FRAS1: variants seen among roughly 807,000 people sequenced by gnomAD.
FRAS1 encodes the protein Fraser extracellular matrix complex subunit 1.
FRAS1 carries 290 observed loss-of-function variants against 435.2 expected under a neutral mutation model. The ratio of observed to expected loss-of-function variants is 0.67; its 90% CI spans 0.61 to 0.73. The LOEUF is 0.73. FRAS1 is among the 30% of genes least tolerant of loss of function. The pLI, the probability that FRAS1 is intolerant of heterozygous loss-of-function variation, is 0.00. For synonymous variants in FRAS1, 1,800 were observed against 1,851.0 expected (o/e 0.97, Z 0.71); for missense variants, 4,860 against 5,001.5 (o/e 0.97, Z 0.85).
At chr4:78,276,932 G>A (rs1727073316) in intron 9 of FRAS1, among the ~76,000 whole-genome samples, 1 of 152,168 alleles carries the variant, frequency 6.6e-6, no homozygotes, top group Non-Finnish European at 1.5e-5. Flanking sequence ...ACAGAGGTAG[G>A]CAGGCCTCCT....
At chr4:78,124,398 C>T (rs1355013943) in intron 2 of FRAS1, among the ~76,000 whole-genome samples, 2 of 152,196 alleles carry the variant, frequency 1.3e-5, no homozygotes, top group Non-Finnish European at 2.9e-5. Context: ...ACAATTTTTG[C>T]ATCGATGTTC....
chr4:78,497,427 T>A (rs1720539080), intron 60 of FRAS1, among the ~76,000 whole-genome samples: 1 of 152,052 alleles, frequency 6.6e-6, no homozygotes, highest in South Asian at 2.1e-4. Context: ...AGTCAGGTGT[T>A]AGCCAAGAAT....
At position 78,439,006 on chromosome 4, in the gene FRAS1, T is replaced by C. The variant is rs764236643; in HGVS notation, c.5471T>C (p.Ile1824Thr). 6.2e-7 allele frequency: 1 copy of C among 1,613,480 alleles called. No homozygotes were observed. Reference sequence around the variant, plus strand: ...CATCTGGATAATCAGATATTTACCATCATGATCACTCCTGCTGAAAATCCA... The same window carrying C: ...CATCTGGATAATCAGATATTTACCACCATGATCACTCCTGCTGAAAATCCA... ...HNHLDNQIFT[I>T]MITPAENPPP... The change falls in exon 40 of 74, where the codon ATC (isoleucine) becomes ACC (threonine). Residue 1824 changes from isoleucine to threonine, a missense_variant. Transcript: ENST00000512123.
At position 78,537,123 on chromosome 4, in the gene FRAS1, G is replaced by A; in HGVS notation, c.11221G>A (p.Gly3741Arg). Residue 3741 changes from glycine to arginine, a missense_variant, in exon 72 of 74, where the codon GGG becomes AGG. Physicochemically the swap from Gly to Arg is moderately radical, Grantham distance 125. Coordinates refer to ENST00000512123, the MANE Select transcript of FRAS1 (RefSeq NM_025074.7). ...TTATGTGCCTTTCTTTGATCCCACG[G>A]GGACAATCTACAATGAAGGGCCCCA... ...DGYVPFFDPT[G>R]TIYNEGPQYG... 1 of 1,613,946 alleles carries A rather than the reference G, an allele frequency of 6.2e-7. No individual in the cohort carries two copies. The highest frequency in any genetic ancestry group is 1.1e-5 in the South Asian group (1 of 91,080).
Position 78,445,613 on chromosome 4 carries a change from T to G in FRAS1, c.5757T>G (p.Ser1919Arg). Residue 1919 changes from serine (S) to arginine (R), a missense_variant, in exon 42 of 74, where the codon AGT becomes AGG. Ser to Arg is a moderately radical substitution (Grantham distance 110). Coordinates refer to ENST00000512123, the MANE Select transcript of FRAS1 (RefSeq NM_025074.7). The stretch of plus-strand genomic sequence containing the variant: ...AAAACTACATTTACTACTTTCAGAG[T>G]GTTCATGAAAGCATTGAGCCAACCC... The part of the protein sequence containing the change: ...VLENYIYYFQ[S>R]VHESIEPTHD... 1 of 1,613,684 alleles carries G rather than the reference T, an allele frequency of 6.2e-7. No homozygotes were observed. The highest frequency in any genetic ancestry group is 2.2e-5 in the East Asian group (1 of 44,880).
intron 20 of FRAS1, among the ~76,000 whole-genome samples, chr4:78,342,330 C>G (rs560639264): frequency 9.8e-5 from 15 of 152,290 alleles, no homozygotes; most frequent in African/African-American, 3.6e-4. Context: ...GGGAGCAGGT[C>G]CAGTAACCTC....
intron 26 of FRAS1, among the ~76,000 whole-genome samples, chr4:78,378,928 G>A (rs1731893098): frequency 6.6e-6 from 1 of 151,970 alleles, no homozygotes; most frequent in Admixed American, 6.6e-5. Context: ...TCTTATCTAA[G>A]AAAGCATTGT....
chr4:78,327,243 C>T (rs182622862), intron 18 of FRAS1, among the ~76,000 whole-genome samples: 8 of 152,000 alleles, frequency 5.3e-5, no homozygotes, highest in East Asian at 1.9e-4. Flanking sequence ...CAAAAAGTAA[C>T]GAGAAGAAGG....
At chr4:78,094,371 C>T (rs1741689719) in intron 2 of FRAS1, among the ~76,000 whole-genome samples, 1 of 151,904 alleles carries the variant, frequency 6.6e-6, no homozygotes, top group Non-Finnish European at 1.5e-5. Flanking sequence ...AAGTCACAGG[C>T]AACATACTTT....
chr4:78,276,698 G>T (rs916723165), intron 9 of FRAS1, among the ~76,000 whole-genome samples: 1 of 152,178 alleles, frequency 6.6e-6, no homozygotes, highest in South Asian at 2.1e-4. Flanking sequence ...AGGGGCACCC[G>T]GCCGTGTGAG....
At position 78,541,808 on chromosome 4, in the gene FRAS1, C is replaced by T. The variant is rs534010909; in HGVS notation, c.*684C>T. 2.2e-4 allele frequency: 33 copies of T among 152,222 alleles called. No individual in the cohort carries two copies. Among genetic ancestry groups the T allele is most frequent in the African/African-American group, 7.2e-4 (30 of 41,524 alleles). 9.4% of individuals were successfully genotyped at this position (152,222 alleles called of 1,614,324 possible). On this transcript the variant is annotated 3_prime_UTR_variant, in exon 74 of 74. Transcript: ENST00000512123. The stretch of plus-strand genomic sequence containing the variant: ...TCCTACAAAGGGGGAGACTGAAACC[C>T]GAGTTAAGGAGGGGCCTGGCAGGCG...
rs71661163 is a variant in FRAS1 at position 78,388,331 on chromosome 4, CA to C, written c.3975+645del. The stretch of plus-strand genomic sequence containing the variant: ...CAGAGAGAGACTCCGTCTCAAAAAC[CA>C]AAAAAAAAAAAAAACAAAAAAAACC... On this transcript the variant is annotated intron_variant, in intron 29 of 73. Transcript: ENST00000512123. 8.8e-3 allele frequency among the ~76,000 whole-genome samples: 823 copies of C among 93,172 alleles called. 6 individuals are homozygous for C. Among genetic ancestry groups the C allele is most frequent in the African/African-American group, 0.021 (653 of 30,878 alleles). The allele number at this position is 93,172 out of a possible 152,430, so 61.1% of individuals were successfully genotyped here.
At chr4:78,390,130 T>G (rs1056150891) in intron 29 of FRAS1, among the ~76,000 whole-genome samples, 6 of 152,236 alleles carry the variant, frequency 3.9e-5, no homozygotes, top group Non-Finnish European at 2.9e-5. Flanking sequence ...GTACTATTTT[T>G]CCTCTTAGGA....
intron 1 of FRAS1, among the ~76,000 whole-genome samples, chr4:78,058,372 T>C (rs1269566316): frequency 1.1e-4 from 16 of 152,196 alleles, no homozygotes; most frequent in Admixed American, 5.9e-4. Flanking sequence ...TCTCTGAAAC[T>C]GATCCTTTTT....
intron 2 of FRAS1, among the ~76,000 whole-genome samples, chr4:78,169,363 G>A (rs1350678385): frequency 4.6e-5 from 7 of 152,156 alleles, no homozygotes; most frequent in African/African-American, 1.4e-4. Flanking sequence ...GCTGGCGCAG[G>A]GGATGGCATT....
chr4:78,116,732 G>A (rs569136491), intron 2 of FRAS1, among the ~76,000 whole-genome samples: 27 of 152,188 alleles, frequency 1.8e-4, no homozygotes, highest in African/African-American at 6.0e-4. Context: ...GTCTCTGCAC[G>A]TGAGATGGGT....
At chr4:78,260,068 G>A (rs1578212126) in intron 6 of FRAS1, among the ~76,000 whole-genome samples, 1 of 152,110 alleles carries the variant, frequency 6.6e-6, no homozygotes, top group East Asian at 1.9e-4. Context: ...CTATATCTCT[G>A]TTTTGGTACC....
chr4:78,159,347 G>A (rs966137229), intron 2 of FRAS1, among the ~76,000 whole-genome samples: 1 of 152,184 alleles, frequency 6.6e-6, no homozygotes, highest in Non-Finnish European at 1.5e-5. Flanking sequence ...ACAAGAGTGA[G>A]TATTTCTGGA....
chr4:78,356,725 T>C (rs1274401925), intron 20 of FRAS1, among the ~76,000 whole-genome samples: 1 of 152,176 alleles, frequency 6.6e-6, no homozygotes, highest in African/African-American at 2.4e-5. Context: ...GCAAGAGCTG[T>C]TGTATGTCAG....
Sources: allele counts gnomAD v4.1 joint callset (sites outside exome capture counted in the v4.1 genomes callset), GRCh38; gene constraint gnomAD v4.1.1; transcripts MANE v1.5; gene names NCBI Gene and HGNC (gene_info 2026-07-23, HGNC 2026-07-21).